Variants in CFAP61 observed in about 807,000 individuals in gnomAD.
The protein encoded by CFAP61 is cilia- and flagella-associated protein 61.
CFAP61 carries 107 observed loss-of-function variants against 135.6 expected under a neutral mutation model. That is an observed-to-expected ratio of 0.79 (90% CI 0.67 to 0.93). The LOEUF is 0.93. Ranked by LOEUF, CFAP61 falls within the 40% of genes least tolerant of loss-of-function variation. The pLI is 0.00. For missense variants in CFAP61, 1,507 were observed against 1,556.2 expected (o/e 0.97, Z 0.53); for synonymous variants, 575 against 578.5 (o/e 0.99, Z 0.09).
intron 13 of CFAP61, among the ~76,000 whole-genome samples, chr20:20,187,421 T>C (rs1397434715): frequency 6.6e-6 from 1 of 152,164 alleles, no homozygotes; most frequent in Admixed American, 6.5e-5. Flanking sequence ...ACGTGCTCCA[T>C]TGTGTCACTT....
At chr20:20,197,189 G>A (rs926754508) in intron 16 of CFAP61, among the ~76,000 whole-genome samples, 1 of 152,114 alleles carries the variant, frequency 6.6e-6, no homozygotes, top group Non-Finnish European at 1.5e-5. Context: ...TAGAAGACTG[G>A]CATGCTATCC....
chr20:20,328,121 G>A (rs2057836297), intron 25 of CFAP61, among the ~76,000 whole-genome samples: 1 of 152,212 alleles, frequency 6.6e-6, no homozygotes, highest in African/African-American at 2.4e-5. Context: ...AAGAAGGCCA[G>A]CGTGGCTGTA....
chr20:20,129,006 G>T (rs1276721390), intron 8 of CFAP61, among the ~76,000 whole-genome samples: 2 of 151,096 alleles, frequency 1.3e-5, no homozygotes, highest in African/African-American at 2.5e-5. Context: ...TATTATAATT[G>T]TTATAACTAT....
At chr20:20,355,723 A>T (rs1240179000) in intron 26 of CFAP61, among the ~76,000 whole-genome samples, 7 of 126,392 alleles carry the variant, frequency 5.5e-5, no homozygotes, top group East Asian at 2.5e-4. Flanking sequence ...CTGTGAGGGG[A>T]GGTCACACTG....
At chr20:20,209,443 T>G (rs1244470790) in intron 17 of CFAP61, among the ~76,000 whole-genome samples, 1 of 152,210 alleles carries the variant, frequency 6.6e-6, no homozygotes, top group Non-Finnish European at 1.5e-5. Flanking sequence ...ATTCCTGAAT[T>G]GAAAAAGATG....
intron 20 of CFAP61, among the ~76,000 whole-genome samples, chr20:20,260,570 C>T (rs542423740): frequency 6.6e-6 from 1 of 152,304 alleles, no homozygotes; most frequent in East Asian, 1.9e-4. Context: ...TGCAAAACAA[C>T]TCTACACATT....
rs544505831 is a variant in CFAP61, at chr20:20,244,844, C to T, written c.2061-1273C>T. On this transcript the variant is annotated intron_variant, in intron 18 of 26. Coordinates refer to ENST00000245957, the MANE Select transcript of CFAP61 (RefSeq NM_015585.4). Reference sequence around the variant, plus strand: ...AATGCCTTTAACAGCACACACATCACCTCTTGAATGCTTTGCTGCTTAGAA... The same window carrying T: ...AATGCCTTTAACAGCACACACATCATCTCTTGAATGCTTTGCTGCTTAGAA... Among the ~76,000 whole-genome samples the T allele has an allele frequency of 7.9e-5, 12 of 152,362 alleles. No homozygotes were observed. In the South Asian group the frequency reaches 2.5e-3, roughly 32 times the overall value.
intron 19 of CFAP61, among the ~76,000 whole-genome samples, chr20:20,248,274 T>G (rs545014870): frequency 5.3e-4 from 81 of 152,334 alleles, no homozygotes; most frequent in African/African-American, 1.9e-3. Flanking sequence ...TCAGTAAGAT[T>G]GAACCATAAA....
At chr20:20,215,443 G>A (rs570643672) in intron 17 of CFAP61, among the ~76,000 whole-genome samples, 12 of 152,230 alleles carry the variant, frequency 7.9e-5, no homozygotes, top group South Asian at 6.2e-4. Context: ...TTAAAACAAC[G>A]GATACCCATA....
At chr20:20,106,467 CCCTGGGAGCGA>C (rs1202458237) in intron 8 of CFAP61, among the ~76,000 whole-genome samples, 1 of 152,214 alleles carries the variant, frequency 6.6e-6, no homozygotes, top group Non-Finnish European at 1.5e-5. Context: ...TCCTCTTCAG[CCCTGGGAGCGA>C]CCTGTGATAT....
chr20:20,072,530 GAAGTTGAATA>G (rs2045794293), intron 3 of CFAP61, among the ~76,000 whole-genome samples: 1 of 152,070 alleles, frequency 6.6e-6, no homozygotes, highest in Non-Finnish European at 1.5e-5. Context: ...TTGATTTGTT[GAAGTTGAATA>G]AACCTCTGAT....
At chr20:20,245,773 C>T (rs1240821355) in intron 18 of CFAP61, among the ~76,000 whole-genome samples, 1 of 152,188 alleles carries the variant, frequency 6.6e-6, no homozygotes, top group Non-Finnish European at 1.5e-5. Flanking sequence ...GTTATGCTTC[C>T]AAGCAGTTTA....
At position 20,349,394 on chromosome 20, in the gene CFAP61, G is replaced by T. The variant is rs575452792; in HGVS notation, c.3513+7473G>T. Among the ~76,000 whole-genome samples, 4 of 152,230 alleles carry T rather than the reference G, an allele frequency of 2.6e-5. No individual in the cohort carries two copies. In the South Asian group the frequency reaches 8.3e-4, roughly 32 times the overall value. On this transcript the variant is annotated intron_variant, in intron 26 of 26. Coordinates refer to ENST00000245957, the MANE Select transcript of CFAP61 (RefSeq NM_015585.4). Reference sequence around the variant, plus strand: ...CAAGACAGGGAGCAAAAGAGAGAGGGAAGTGGTGCCAAGTTCTTTTAAACA... The same window carrying T: ...CAAGACAGGGAGCAAAAGAGAGAGGTAAGTGGTGCCAAGTTCTTTTAAACA...
intron 26 of CFAP61, among the ~76,000 whole-genome samples, chr20:20,352,079 G>T (rs562938029): frequency 6.6e-6 from 1 of 152,238 alleles, no homozygotes; most frequent in South Asian, 2.1e-4. Context: ...GGTAATTTAC[G>T]AAGGAAAGAG....
At chr20:20,055,826 TCA>T in intron 1 of CFAP61, 3 of 720,258 alleles carry the variant, frequency 4.2e-6, no homozygotes, top group African/African-American at 1.8e-5. Flanking sequence ...TGTTTTGAGC[TCA>T]CTGGCTAGTA....
chr20:20,126,075 C>A (rs1294669199), intron 8 of CFAP61, among the ~76,000 whole-genome samples: 1 of 151,682 alleles, frequency 6.6e-6, no homozygotes, highest in East Asian at 1.9e-4. Context: ...ATGCCTTTTC[C>A]CACCCCTTTA....
chr20:20,233,186 G>A (rs6515091), intron 18 of CFAP61, among the ~76,000 whole-genome samples: 21 of 152,330 alleles, frequency 1.4e-4, no homozygotes, highest in African/African-American at 4.3e-4. Flanking sequence ...CCAGCCTAGC[G>A]CTGGCGGCTT....
intron 21 of CFAP61, among the ~76,000 whole-genome samples, chr20:20,269,180 T>C (rs548732430): frequency 6.7e-4 from 49 of 73,636 alleles, no homozygotes; most frequent in African/African-American, 2.0e-3. Context: ...TATATGTATA[T>C]ACACACACAT....
chr20:20,268,332 G>A (rs1388969243), intron 21 of CFAP61, among the ~76,000 whole-genome samples: 6 of 152,182 alleles, frequency 3.9e-5, no homozygotes, highest in African/African-American at 1.2e-4. Context: ...GGGATGTGAG[G>A]GGAGAATGGT....
Sources: allele counts gnomAD v4.1 joint callset (sites outside exome capture counted in the v4.1 genomes callset), GRCh38; gene constraint gnomAD v4.1.1; transcripts MANE v1.5; gene names NCBI Gene and HGNC (gene_info 2026-07-23, HGNC 2026-07-21).